PDE1C: variants seen among roughly 807,000 people sequenced by gnomAD.
The protein encoded by PDE1C is dual specificity calcium/calmodulin-dependent 3',5'-cyclic nucleotide phosphodiesterase 1C.
A neutral mutation model predicts 93.1 loss-of-function variants in PDE1C; 62 were observed. The observed-to-expected ratio is 0.67, with a 90% CI of 0.54 to 0.82. The LOEUF is 0.82. Among genes scored for constraint, PDE1C ranks in the 40% least tolerant of loss-of-function variants. The probability of loss-of-function intolerance (pLI) is 0.00; values close to 1 mark genes in which losing one functional copy is unlikely to be tolerated. For missense variants in PDE1C, 742 were observed against 884.6 expected (o/e 0.84, Z 2.04); for synonymous variants, 325 against 310.1 (o/e 1.05, Z -0.50).
chr7:32,251,059 G>C (rs939028765), intron 1 of PDE1C, among the ~76,000 whole-genome samples: 1 of 152,186 alleles, frequency 6.6e-6, no homozygotes, highest in Non-Finnish European at 1.5e-5. Context: ...ACACATGCGA[G>C]CGTGCACAAG....
At chr7:32,384,214 T>C (rs1170408772) in intron 1 of PDE1C, among the ~76,000 whole-genome samples, 1 of 152,128 alleles carries the variant, frequency 6.6e-6, no homozygotes, top group Non-Finnish European at 1.5e-5. Flanking sequence ...GATTCACAGG[T>C]AAATAAATAA....
intron 1 of PDE1C, among the ~76,000 whole-genome samples, chr7:32,381,829 C>G (rs1410269316): frequency 6.6e-6 from 1 of 152,078 alleles, no homozygotes; most frequent in Non-Finnish European, 1.5e-5. Context: ...CCACCACTAC[C>G]CCGCACTGGG....
At chr7:32,376,072 G>A (rs961451729) in intron 1 of PDE1C, among the ~76,000 whole-genome samples, 2 of 152,062 alleles carry the variant, frequency 1.3e-5, no homozygotes, top group African/African-American at 4.8e-5. Flanking sequence ...GAGGAGAATT[G>A]TTTGAACCCA....
At chr7:32,059,237 G>C (rs1378079574) in intron 1 of PDE1C, among the ~76,000 whole-genome samples, 1 of 152,176 alleles carries the variant, frequency 6.6e-6, no homozygotes, top group African/African-American at 2.4e-5. Flanking sequence ...TTTGGGGGTG[G>C]GGATGGTGAC....
chr7:32,147,272 AAAAGAAAGAAAGAAAGAAAGAAAGAAAG>A lies in PDE1C; in HGVS notation c.308+22485_308+22512del, dbSNP rs3078683. ...GAAAGAAAAGAAAGAAAGAAAGAAA[AAAAGAAAGAAAGAAAGAAAGAAAGAAAG>A]AAAGAAAGAAAGAAAGAAAGAAAGA... On this transcript the variant is annotated intron_variant, in intron 3 of 18. Transcript: ENST00000396193. Among the ~76,000 whole-genome samples, 10 of 96,694 alleles carry A rather than the reference AAAAGAAAGAAAGAAAGAAAGAAAGAAAG, an allele frequency of 1.0e-4. No individual in the cohort carries two copies. The South Asian group carries it at 1.2e-3, about 12-fold the overall frequency. The allele number at this position is 96,694 out of a possible 152,430, so 63.4% of individuals were successfully genotyped here.
intron 1 of PDE1C, among the ~76,000 whole-genome samples, chr7:32,397,330 A>T (rs969162136): frequency 6.6e-6 from 1 of 152,268 alleles, no homozygotes. Context: ...AAATATATTA[A>T]ACTTCATCCA....
intron 1 of PDE1C, among the ~76,000 whole-genome samples, chr7:32,415,169 G>A (rs1320625433): frequency 1.3e-5 from 2 of 152,050 alleles, no homozygotes; most frequent in Non-Finnish European, 2.9e-5. Flanking sequence ...AAATAAATAT[G>A]GTTGGACACA....
chr7:32,249,481 G>A (rs1471831963), intron 1 of PDE1C, among the ~76,000 whole-genome samples: 2 of 152,082 alleles, frequency 1.3e-5, no homozygotes, highest in African/African-American at 4.8e-5. Context: ...ACTGAGGGAG[G>A]AGATGCCCTC....
intron 1 of PDE1C, among the ~76,000 whole-genome samples, chr7:32,332,195 G>A (rs1783528796): frequency 6.6e-6 from 1 of 151,630 alleles, no homozygotes; most frequent in African/African-American, 2.4e-5. Flanking sequence ...GAAAAACACA[G>A]ACAACCCAAT....
At chr7:32,261,855 T>TA (rs1378519495) in intron 1 of PDE1C, among the ~76,000 whole-genome samples, 2 of 152,328 alleles carry the variant, frequency 1.3e-5, no homozygotes, top group East Asian at 3.9e-4. Context: ...TTTCTTTTAA[T>TA]ATGCCACCAG....
At chr7:32,083,523 A>G (rs2128739077) in intron 3 of PDE1C, among the ~76,000 whole-genome samples, 1 of 152,192 alleles carries the variant, frequency 6.6e-6, no homozygotes, top group African/African-American at 2.4e-5. Flanking sequence ...ACTCCTCAAG[A>G]AGAGCAACTC....
At chr7:31,787,573 A>G (rs1419036649) in intron 16 of PDE1C, 1 of 152,196 alleles carries the variant, frequency 6.6e-6, no homozygotes, top group Non-Finnish European at 1.5e-5. Flanking sequence ...TTATCCAGGG[A>G]CGTGTAGAGC....
At chr7:31,841,418 T>C (rs1039758624) in intron 9 of PDE1C, among the ~76,000 whole-genome samples, 2 of 152,074 alleles carry the variant, frequency 1.3e-5, no homozygotes, top group Non-Finnish European at 2.9e-5. Flanking sequence ...TTGATGAATG[T>C]AAGATCAAGC....
chr7:31,874,571 T>C (rs1156817160), intron 5 of PDE1C, among the ~76,000 whole-genome samples: 1 of 152,238 alleles, frequency 6.6e-6, no homozygotes, highest in Non-Finnish European at 1.5e-5. Flanking sequence ...ACATTCCAAC[T>C]GTCAAATTCA....
At chr7:31,905,449 G>A (rs1800474577) in intron 2 of PDE1C, among the ~76,000 whole-genome samples, 1 of 151,996 alleles carries the variant, frequency 6.6e-6, no homozygotes, top group Non-Finnish European at 1.5e-5. Flanking sequence ...TTTCTTGCAG[G>A]ATTATCTTGT....
In PDE1C at chr7:31,797,383, A is replaced by G. The variant is rs573982044; in HGVS notation, c.1891+11648T>C. ...TAGACCTAAGAAATATTATCCTTTG[A>G]GACAGAAACAAGTTTAAAACCTAAA... On this transcript the variant is annotated intron_variant, in intron 16 of 17. Transcript: ENST00000396191. 2.1e-4 allele frequency among the ~76,000 whole-genome samples: 32 copies of G among 151,902 alleles called. No homozygotes were observed. The South Asian group carries it at 5.2e-3, about 25-fold the overall frequency.
intron 3 of PDE1C, among the ~76,000 whole-genome samples, chr7:32,104,062 T>C (rs1798170374): frequency 6.6e-6 from 1 of 152,110 alleles, no homozygotes; most frequent in Non-Finnish European, 1.5e-5. Flanking sequence ...CGCTCAGACA[T>C]CTGACTGAGA....
intron 3 of PDE1C, among the ~76,000 whole-genome samples, chr7:32,127,341 A>G (rs150142202): frequency 6.6e-6 from 1 of 152,272 alleles, no homozygotes; most frequent in East Asian, 1.9e-4. Flanking sequence ...CCTCTGGAGA[A>G]CCCTGACTAA....
intron 2 of PDE1C, among the ~76,000 whole-genome samples, chr7:31,883,232 C>A (rs1359854915): frequency 1.3e-5 from 2 of 152,170 alleles, no homozygotes; most frequent in Non-Finnish European, 2.9e-5. Context: ...TCAACAACTT[C>A]AAAATTTATC....
Sources: allele counts gnomAD v4.1 joint callset (sites outside exome capture counted in the v4.1 genomes callset), GRCh38; gene constraint gnomAD v4.1.1; transcripts MANE v1.5; gene names NCBI Gene and HGNC (gene_info 2026-07-23, HGNC 2026-07-21).